ENKUR: variants seen among roughly 807,000 people sequenced by gnomAD.
ENKUR encodes enkurin, TRPC channel interacting protein.
A neutral mutation model predicts 27.6 loss-of-function variants in ENKUR; 19 were observed. That is an observed-to-expected ratio of 0.69 (90% confidence interval 0.48 to 1.01). ENKUR has a LOEUF of 1.01. ENKUR is among the 50% of genes least tolerant of loss of function. ENKUR has a pLI of 0.00. For synonymous variants in ENKUR, 117 were observed against 96.9 expected (o/e 1.21, Z -1.22); for missense variants, 312 against 310.5 (o/e 1.00, Z -0.04).
At chr10:25,001,236 G>A (rs540258005) in intron 1 of ENKUR, among the ~76,000 whole-genome samples, 98 of 151,606 alleles carry the variant, frequency 6.5e-4, no homozygotes, top group African/African-American at 2.2e-3. Context: ...GGCTTCCATC[G>A]TTTCTAAAGA....
chr10:25,061,046 C>G (rs1851320163), intron 2 of ENKUR: 1 of 1,447,532 alleles, frequency 6.9e-7, no homozygotes, highest in Non-Finnish European at 9.4e-7. Flanking sequence ...AAGGATATCT[C>G]TAAGGCCCCC....
intron 4 of ENKUR, among the ~76,000 whole-genome samples, chr10:24,987,510 A>G (rs1157286586): frequency 6.6e-6 from 1 of 152,150 alleles, no homozygotes; most frequent in Non-Finnish European, 1.5e-5. Context: ...TCAGCCAGGC[A>G]TGGTGGTATC....
rs1220978838 is a variant in ENKUR at position 24,983,264 on chromosome 10, A to T, written c.*1106T>A. The T allele has an allele frequency of 6.6e-6, 1 of 152,104 alleles. No homozygotes were observed. Among genetic ancestry groups the T allele is most frequent in the Non-Finnish European group, 1.5e-5 (1 of 68,014 alleles). 9.4% of individuals were successfully genotyped at this position (152,104 alleles called of 1,614,324 possible). On this transcript the variant is annotated 3_prime_UTR_variant, in exon 6 of 6. Transcript: ENST00000331161. Reference sequence around the variant, plus strand: ...TTAAGTTGCTTACTTAGCGATGCAAACGGGAATGATATGCATCATTTCTAG... The same window carrying T: ...TTAAGTTGCTTACTTAGCGATGCAATCGGGAATGATATGCATCATTTCTAG...
chr10:25,038,364 T>G (rs532879381), intron 2 of ENKUR, among the ~76,000 whole-genome samples: 18 of 152,348 alleles, frequency 1.2e-4, no homozygotes, highest in Non-Finnish European at 2.2e-4. Context: ...TGCCTGTCTG[T>G]CGTATCTCCA....
intron 1 of ENKUR, among the ~76,000 whole-genome samples, chr10:25,007,593 C>T (rs966312733): frequency 1.3e-5 from 2 of 152,124 alleles, no homozygotes; most frequent in Admixed American, 6.6e-5. Context: ...CGCCACCACA[C>T]CCGGGTAATT....
At chr10:25,047,350 G>C (rs1851132224) in intron 2 of ENKUR, among the ~76,000 whole-genome samples, 1 of 152,148 alleles carries the variant, frequency 6.6e-6, no homozygotes, top group South Asian at 2.1e-4. Flanking sequence ...TGTGGGCAGG[G>C]AAAGCATGAA....
intron 2 of ENKUR, among the ~76,000 whole-genome samples, chr10:25,055,738 C>A (rs1315450581): frequency 6.6e-6 from 1 of 152,102 alleles, no homozygotes. Context: ...GGTGAAGCTC[C>A]GTTGTGTATC....
intron 4 of ENKUR, among the ~76,000 whole-genome samples, chr10:24,988,694 A>ATATATGTG (rs1204466268): frequency 2.1e-4 from 7 of 33,974 alleles, no homozygotes; most frequent in African/African-American, 1.0e-3. Context: ...ATATATATAT[A>ATATATGTG]TATATATATA....
intron 2 of ENKUR, among the ~76,000 whole-genome samples, chr10:25,035,309 C>T (rs370540181): frequency 1.3e-5 from 2 of 152,074 alleles, no homozygotes; most frequent in Non-Finnish European, 2.9e-5. Context: ...AATTCCAGTA[C>T]GTGGGGAGAC....
chr10:25,015,723 A>C (rs1016224119), intron 1 of ENKUR, 137 bp downstream of exon 1: 4 of 760,512 alleles, frequency 5.3e-6, no homozygotes, highest in Non-Finnish European at 7.5e-6. Context: ...TTCTCTAACA[A>C]GTTATCCTCC....
chr10:25,048,085 G>T (rs1389087232), intron 2 of ENKUR, among the ~76,000 whole-genome samples: 2 of 152,036 alleles, frequency 1.3e-5, no homozygotes. Context: ...TATCAAAAAG[G>T]GCTTCACCAG....
intron 2 of ENKUR, among the ~76,000 whole-genome samples, chr10:25,058,985 T>C (rs929689143): frequency 2.7e-5 from 4 of 150,866 alleles, no homozygotes; most frequent in Non-Finnish European, 4.4e-5. Context: ...GAAACTCAGA[T>C]ACAAACCCAT....
intron 1 of ENKUR, among the ~76,000 whole-genome samples, chr10:25,004,828 CT>C (rs1850275916): frequency 6.6e-6 from 1 of 152,176 alleles, no homozygotes; most frequent in African/African-American, 2.4e-5. Context: ...ATCATTAAAT[CT>C]TTGCCCGTGC....
intron 1 of ENKUR, among the ~76,000 whole-genome samples, chr10:25,000,297 C>A (rs1404051676): frequency 6.6e-6 from 1 of 152,060 alleles, no homozygotes; most frequent in Non-Finnish European, 1.5e-5. Context: ...GTATGTTGTG[C>A]CGCTGTTGGC....
Position 24,984,752 on chromosome 10 carries a change from T to A in ENKUR, c.748A>T (p.Ile250Phe). ...CATTCTTACTTATTGGCAATATAAA[T>A]AATCTTGTGCTTTTCAATTATGCCA... ...DIGIIEKHKI[I>F]YIANNA The change falls in exon 5 of 6, where the codon ATT (isoleucine) becomes TTT (phenylalanine). Residue 250 changes from isoleucine to phenylalanine, a missense_variant. Transcript: ENST00000331161. The A allele has an allele frequency of 3.1e-6, 5 of 1,610,076 alleles. No homozygotes were observed. Among genetic ancestry groups the A allele is most frequent in the Non-Finnish European group, 4.2e-6 (5 of 1,179,162 alleles).
intron 2 of ENKUR, chr10:25,023,365 TC>T (rs1236736514): frequency 6.2e-7 from 1 of 1,614,174 alleles, no homozygotes; most frequent in South Asian, 1.1e-5. Context: ...GTCATGGTAT[TC>T]AACCCACTCT....
intron 3 of ENKUR, among the ~76,000 whole-genome samples, chr10:24,995,358 A>C (rs1313666466): frequency 6.6e-6 from 1 of 152,202 alleles, no homozygotes; most frequent in African/African-American, 2.4e-5. Flanking sequence ...ACTAACCAAA[A>C]ATATCTTTCA....
Position 25,059,036 on chromosome 10 carries a change from C to T in ENKUR, c.37+2076G>A, listed in dbSNP as rs576428745. Among the ~76,000 whole-genome samples, 94 of 151,918 alleles carry T rather than the reference C, an allele frequency of 6.2e-4. 1 individual carries two copies. Among genetic ancestry groups the T allele is most frequent in the African/African-American group, 2.2e-3 (93 of 41,454 alleles). On this transcript the variant is annotated intron_variant, in intron 2 of 5. Coordinates refer to the ENKUR transcript ENST00000615958. ...GTGCTCACTTCCCTCCCCACCCACC[C>T]AACCTTCAGATTGTAGTTTTCCCCT...
At chr10:25,052,152 C>G (rs1349106814) in intron 2 of ENKUR, among the ~76,000 whole-genome samples, 1 of 152,164 alleles carries the variant, frequency 6.6e-6, no homozygotes, top group Non-Finnish European at 1.5e-5. Flanking sequence ...GGCTGGGTCT[C>G]TCACTGTATA....
Sources: gnomAD v4.1 joint callset for allele counts (sites outside exome capture counted in the v4.1 genomes callset) on GRCh38, gnomAD v4.1.1 for gene constraint, MANE v1.5 for transcripts, NCBI Gene and HGNC (gene_info 2026-07-23, HGNC 2026-07-21) for gene names.